ZMAT4: variants seen among roughly 807,000 people sequenced by gnomAD.
The protein encoded by ZMAT4 is zinc finger matrin-type 4.
In ZMAT4, 17 loss-of-function variants were observed where a neutral mutation model predicts 28.7. That is an observed-to-expected ratio of 0.59 (90% CI 0.41 to 0.89). The LOEUF (loss-of-function observed/expected upper bound fraction) is 0.89, where lower values mean the gene tolerates loss of function less well. ZMAT4 is among the 40% of genes least tolerant of loss of function. The pLI is 0.00. For missense variants in ZMAT4, 240 were observed against 283.8 expected (o/e 0.85, Z 1.11); for synonymous variants, 117 against 109.2 (o/e 1.07, Z -0.44).
chr8:40,769,352 G>A (rs1255295700), intron 2 of ZMAT4, among the ~76,000 whole-genome samples: 2 of 152,018 alleles, frequency 1.3e-5, no homozygotes, highest in Non-Finnish European at 2.9e-5. Flanking sequence ...TTATTTTGCG[G>A]CTTCTACATG....
chr8:40,860,124 T>A (rs1817437262), intron 1 of ZMAT4, among the ~76,000 whole-genome samples: 1 of 152,164 alleles, frequency 6.6e-6, no homozygotes, highest in Admixed American at 6.5e-5. Context: ...ATATGGAGAA[T>A]AATATTTGCT....
intron 3 of ZMAT4, among the ~76,000 whole-genome samples, chr8:40,708,640 A>G (rs1207689933): frequency 2.3e-5 from 3 of 130,680 alleles, no homozygotes; most frequent in Non-Finnish European, 4.8e-5. Flanking sequence ...TAGGAAAGCA[A>G]TCTTGATTTT....
Position 40,847,805 on chromosome 8 carries a change from G to A in ZMAT4, c.-4-22125C>T, listed in dbSNP as rs1049057581. Among the ~76,000 whole-genome samples, 7 of 152,228 alleles carry A rather than the reference G, an allele frequency of 4.6e-5. No individual in the cohort carries two copies. The East Asian group carries it at 5.8e-4, about 13-fold the overall frequency. Reference sequence around the variant, plus strand: ...CCCCTCTCTGTGGCAGCTGAAGTCCGTCCACCAGTGCAAGCCAGCCCTGCT... The same window carrying A: ...CCCCTCTCTGTGGCAGCTGAAGTCCATCCACCAGTGCAAGCCAGCCCTGCT... On this transcript the variant is annotated intron_variant, in intron 1 of 6. Coordinates refer to ENST00000297737, the MANE Select transcript of ZMAT4 (RefSeq NM_024645.3).
At chr8:40,754,810 C>T (rs1812607352) in intron 3 of ZMAT4, among the ~76,000 whole-genome samples, 1 of 151,978 alleles carries the variant, frequency 6.6e-6, no homozygotes, top group Non-Finnish European at 1.5e-5. Context: ...GCCAGAGGTT[C>T]GAGACCAGCC....
chr8:40,621,807 T>C (rs144156618), intron 5 of ZMAT4, among the ~76,000 whole-genome samples: 11 of 152,308 alleles, frequency 7.2e-5, no homozygotes, highest in African/African-American at 2.6e-4. Context: ...GGGTCTAAGA[T>C]TTAATATTCT....
intron 1 of ZMAT4, among the ~76,000 whole-genome samples, chr8:40,828,808 T>C (rs1271834067): frequency 6.6e-6 from 1 of 152,108 alleles, no homozygotes; most frequent in East Asian, 1.9e-4. Flanking sequence ...TAGGTCACTT[T>C]AGACAACCAG....
intron 1 of ZMAT4, among the ~76,000 whole-genome samples, chr8:40,890,243 G>A (rs1016225147): frequency 2.0e-5 from 3 of 152,226 alleles, no homozygotes; most frequent in East Asian, 3.9e-4. Context: ...CATTCCCCAC[G>A]TCTCACGAAC....
intron 2 of ZMAT4, among the ~76,000 whole-genome samples, chr8:40,792,920 A>G (rs886995806): frequency 2.3e-4 from 35 of 152,110 alleles, no homozygotes; most frequent in African/African-American, 8.0e-4. Flanking sequence ...GGACATGGCA[A>G]AAAGATCAGT....
intron 1 of ZMAT4, among the ~76,000 whole-genome samples, chr8:40,893,690 G>T (rs984317140): frequency 6.6e-6 from 1 of 152,130 alleles, no homozygotes; most frequent in African/African-American, 2.4e-5. Context: ...TTACGTCCGG[G>T]GGTACATGTG....
chr8:40,689,817 T>C (rs1437354654), intron 4 of ZMAT4, among the ~76,000 whole-genome samples: 1 of 152,078 alleles, frequency 6.6e-6, no homozygotes, highest in Non-Finnish European at 1.5e-5. Context: ...TCTACTATTT[T>C]CCTTTATAAA....
intron 1 of ZMAT4, among the ~76,000 whole-genome samples, chr8:40,885,398 C>A (rs532786399): frequency 6.6e-6 from 1 of 152,206 alleles, no homozygotes; most frequent in Non-Finnish European, 1.5e-5. Flanking sequence ...CCATCCGACC[C>A]GAGCCATCTC....
intron 3 of ZMAT4, among the ~76,000 whole-genome samples, chr8:40,714,161 T>A (rs1810748868): frequency 6.6e-6 from 1 of 152,126 alleles, no homozygotes; most frequent in African/African-American, 2.4e-5. Flanking sequence ...AACAGTCTTT[T>A]GGATAGTGAT....
At chr8:40,616,621 C>T (rs953948307) in intron 5 of ZMAT4, among the ~76,000 whole-genome samples, 1 of 151,944 alleles carries the variant, frequency 6.6e-6, no homozygotes, top group Admixed American at 6.6e-5. Flanking sequence ...TCATTCTGAG[C>T]AAACTATCAC....
At chr8:40,644,028 G>A (rs1443208961) in intron 5 of ZMAT4, among the ~76,000 whole-genome samples, 1 of 152,014 alleles carries the variant, frequency 6.6e-6, no homozygotes. Flanking sequence ...TTTAAACCAG[G>A]GTAATGGCAT....
intron 5 of ZMAT4, among the ~76,000 whole-genome samples, chr8:40,639,853 A>T (rs1806944188): frequency 6.6e-6 from 1 of 152,160 alleles, no homozygotes; most frequent in African/African-American, 2.4e-5. Context: ...AAGATCTAGG[A>T]GAGAACACAA....
chr8:40,786,809 G>A (rs777925393), intron 2 of ZMAT4: 2 of 1,165,740 alleles, frequency 1.7e-6, no homozygotes, highest in Non-Finnish European at 1.1e-6. Context: ...CAAACAGACT[G>A]TGCTTACAGA....
intron 6 of ZMAT4, among the ~76,000 whole-genome samples, chr8:40,538,026 C>T (rs1381827405): frequency 6.6e-6 from 1 of 152,212 alleles, no homozygotes; most frequent in Non-Finnish European, 1.5e-5. Context: ...ACTTCCTGCT[C>T]AGCCAGGGCT....
intron 2 of ZMAT4, among the ~76,000 whole-genome samples, chr8:40,775,878 C>A (rs7821096): frequency 6.6e-6 from 1 of 151,832 alleles, no homozygotes; most frequent in Admixed American, 6.5e-5. Flanking sequence ...GGACCGGTGT[C>A]TTTATATGAA....
intron 3 of ZMAT4, among the ~76,000 whole-genome samples, chr8:40,752,476 C>T (rs906444546): frequency 2.6e-5 from 4 of 152,186 alleles, no homozygotes; most frequent in African/African-American, 9.7e-5. Flanking sequence ...TCCTGCTCCA[C>T]GTGAAGAACC....
Sources: allele counts gnomAD v4.1 joint callset (sites outside exome capture counted in the v4.1 genomes callset), GRCh38; gene constraint gnomAD v4.1.1; transcripts MANE v1.5; gene names NCBI Gene and HGNC (gene_info 2026-07-23, HGNC 2026-07-21).